The following NEGR1 variants were observed in gnomAD, a reference collection of about 807,000 sequenced individuals.
The protein encoded by NEGR1 is IgLON family member 4.
In NEGR1, 10 loss-of-function variants were observed where a neutral mutation model predicts 40.9. The observed-to-expected ratio is 0.24, with a 90% CI of 0.15 to 0.42. The LOEUF is 0.42. NEGR1 is among the 10% of genes least tolerant of loss of function. The probability of loss-of-function intolerance (pLI) is 1.00; values close to 1 mark genes in which losing one functional copy is unlikely to be tolerated. For synonymous variants in NEGR1, 185 were observed against 166.8 expected, an observed-to-expected ratio of 1.11 and a Z score of -0.84; for missense variants, 352 against 438.9, an observed-to-expected ratio of 0.80 and a Z score of 1.77.
intron 1 of NEGR1, among the ~76,000 whole-genome samples, chr1:72,185,012 A>G (rs1416339474): frequency 1.3e-5 from 2 of 151,932 alleles, no homozygotes; most frequent in African/African-American, 2.4e-5. Context: ...AACCTCAAAC[A>G]TCTTATTTTT....
intron 2 of NEGR1, among the ~76,000 whole-genome samples, chr1:71,928,027 T>TAAATACAC (rs1553122056): frequency 1.3e-5 from 1 of 77,458 alleles, no homozygotes; most frequent in Admixed American, 1.7e-4. Flanking sequence ...AATAAATAAA[T>TAAATACAC]ACACACACAC....
chr1:71,705,834 A>G (rs549295424), intron 3 of NEGR1, among the ~76,000 whole-genome samples: 22 of 148,932 alleles, frequency 1.5e-4, no homozygotes, highest in South Asian at 1.1e-3. Flanking sequence ...GAAAGAAAGA[A>G]AGAGAGAGAG....
intron 1 of NEGR1, among the ~76,000 whole-genome samples, chr1:72,133,730 A>C (rs896301774): frequency 4.6e-5 from 7 of 151,736 alleles, no homozygotes; most frequent in Non-Finnish European, 7.4e-5. Flanking sequence ...AGTAGCAAAA[A>C]AAGAATGTCA....
chr1:71,497,046 G>A (rs1332566731), intron 6 of NEGR1, among the ~76,000 whole-genome samples: 1 of 152,092 alleles, frequency 6.6e-6, no homozygotes, highest in Non-Finnish European at 1.5e-5. Context: ...TGGTGTGTCC[G>A]ATTTCCATAA....
intron 6 of NEGR1, among the ~76,000 whole-genome samples, chr1:71,493,826 C>T (rs1646944973): frequency 6.6e-6 from 1 of 152,144 alleles, no homozygotes; most frequent in Non-Finnish European, 1.5e-5. Flanking sequence ...TAAAAGCCAT[C>T]CAGAATTTAT....
chr1:71,863,407 G>A (rs1036091623), intron 2 of NEGR1, among the ~76,000 whole-genome samples: 1 of 152,050 alleles, frequency 6.6e-6, no homozygotes, highest in Non-Finnish European at 1.5e-5. Flanking sequence ...GAGAACACAT[G>A]GACATAGAAA....
At chr1:71,645,385 A>G (rs1317645281) in intron 4 of NEGR1, among the ~76,000 whole-genome samples, 2 of 151,978 alleles carry the variant, frequency 1.3e-5, no homozygotes, top group African/African-American at 4.8e-5. Flanking sequence ...CCTCTCAAAA[A>G]GTTTACCCTT....
intron 1 of NEGR1, among the ~76,000 whole-genome samples, chr1:72,275,645 G>A (rs955804006): frequency 1.3e-5 from 2 of 151,980 alleles, no homozygotes; most frequent in African/African-American, 4.8e-5. Flanking sequence ...GTCATTTAAC[G>A]ACAGTCTTAA....
chr1:72,079,805 T>A (rs1647909587), intron 1 of NEGR1, among the ~76,000 whole-genome samples: 1 of 152,148 alleles, frequency 6.6e-6, no homozygotes, highest in Non-Finnish European at 1.5e-5. Flanking sequence ...AAAAGTGTTC[T>A]ATAATAGTTT....
intron 6 of NEGR1, among the ~76,000 whole-genome samples, chr1:71,412,585 C>T (rs997325745): frequency 2.0e-5 from 3 of 152,086 alleles, no homozygotes; most frequent in African/African-American, 7.2e-5. Context: ...CCTAAATATG[C>T]ATGTGTCAAA....
At chr1:71,960,208 A>G (rs1487438665) in intron 1 of NEGR1, among the ~76,000 whole-genome samples, 1 of 152,212 alleles carries the variant, frequency 6.6e-6, no homozygotes, top group Non-Finnish European at 1.5e-5. Context: ...TTATGTTTAC[A>G]TAAATATTGA....
At chr1:72,239,658 A>G (rs1050231416) in intron 1 of NEGR1, among the ~76,000 whole-genome samples, 2 of 151,876 alleles carry the variant, frequency 1.3e-5, no homozygotes, top group Admixed American at 1.3e-4. Context: ...ATTACAGGAT[A>G]AACCATTTAA....
In NEGR1 at chr1:71,790,062, G is replaced by C. The variant is rs541382481; in HGVS notation, c.410-13765C>G. On this transcript the variant is annotated intron_variant, in intron 2 of 6. Transcript: ENST00000357731. Reference sequence around the variant, plus strand: ...GCCAAAATAACCCAATTTACCTTTTGAGTAGGTCAACTACTTACGAAGAAA... The same window carrying C: ...GCCAAAATAACCCAATTTACCTTTTCAGTAGGTCAACTACTTACGAAGAAA... 2.5e-4 allele frequency among the ~76,000 whole-genome samples: 38 copies of C among 152,168 alleles called. No homozygotes were observed. The South Asian group carries it at 7.9e-3, about 32-fold the overall frequency.
intron 2 of NEGR1, among the ~76,000 whole-genome samples, chr1:71,874,526 C>T (rs1373700376): frequency 6.6e-6 from 1 of 152,144 alleles, no homozygotes; most frequent in Admixed American, 6.6e-5. Context: ...TACAAAGCAA[C>T]ATCACCTGGG....
At chr1:71,998,775 A>G (rs1646528421) in intron 1 of NEGR1, among the ~76,000 whole-genome samples, 1 of 151,290 alleles carries the variant, frequency 6.6e-6, no homozygotes, top group Admixed American at 6.6e-5. Flanking sequence ...TCTCAACTAT[A>G]TATTGGATGT....
intron 1 of NEGR1, among the ~76,000 whole-genome samples, chr1:72,245,458 G>A (rs940495831): frequency 6.6e-6 from 1 of 151,946 alleles, no homozygotes; most frequent in Non-Finnish European, 1.5e-5. Context: ...GCATGGTCAG[G>A]GCACAATTAG....
chr1:71,769,275 G>A lies in NEGR1; in HGVS notation c.535+6897C>T, dbSNP rs1043407415. 1.3e-4 allele frequency among the ~76,000 whole-genome samples: 19 copies of A among 151,064 alleles called. 1 individual carries two copies. Among genetic ancestry groups the A allele is most frequent in the African/African-American group, 4.9e-5 (2 of 41,070 alleles). ...ATCAGAAGCCTCATGTATACTTGTC[G>A]ATATTCTCCAGAAGTTTACAGTGAT... On this transcript the variant is annotated intron_variant, in intron 3 of 6. Transcript: ENST00000357731.
At chr1:72,134,202 G>GTTTTTTTTTTTTTTTTTTTTTTTTTT (rs908710344) in intron 1 of NEGR1, among the ~76,000 whole-genome samples, 2 of 143,304 alleles carry the variant, frequency 1.4e-5, no homozygotes, top group Admixed American at 7.0e-5. Context: ...GGGGAAATAC[G>GTTTTTTTTTTTTTTTTTTTTTTTTTT]TTTTTTTTTT....
At chr1:71,783,370 A>G (rs1397057362) in intron 2 of NEGR1, among the ~76,000 whole-genome samples, 4 of 152,092 alleles carry the variant, frequency 2.6e-5, no homozygotes, top group Admixed American at 2.6e-4. Context: ...GAGATAAGAA[A>G]TTGTTTCATG....
Sources: allele counts gnomAD v4.1 joint callset (sites outside exome capture counted in the v4.1 genomes callset), GRCh38; gene constraint gnomAD v4.1.1; transcripts MANE v1.5; gene names NCBI Gene and HGNC (gene_info 2026-07-23, HGNC 2026-07-21).